The following ZNF185 variants were observed in gnomAD, a reference collection of about 807,000 sequenced individuals.
The protein encoded by ZNF185 is zinc finger protein 185.
A neutral mutation model predicts 58.6 loss-of-function variants in ZNF185; 56 were observed. The observed-to-expected ratio is 0.95, with a 90% CI of 0.77 to 1.19. ZNF185 has a LOEUF of 1.19. Among genes scored for constraint, ZNF185 ranks in the 50% most tolerant of loss-of-function variants. The probability of loss-of-function intolerance (pLI) is 0.00; values close to 1 mark genes in which losing one functional copy is unlikely to be tolerated. For synonymous variants in ZNF185, 230 were observed against 215.9 expected, an observed-to-expected ratio of 1.07 and a Z score of -0.57; for missense variants, 627 against 573.5, an observed-to-expected ratio of 1.09 and a Z score of -0.95.
At chrX:152,940,353 G>C (rs930558136) in intron 15 of ZNF185, among the ~76,000 whole-genome samples, 6 of 100,107 alleles carry the variant, frequency 6.0e-5, no homozygotes, top group Admixed American at 1.2e-4. Flanking sequence ...CATTAGTTAG[G>C]TCCAGAAAGG....
intron 17 of ZNF185, among the ~76,000 whole-genome samples, chrX:152,961,170 C>T (rs1485226935): frequency 8.9e-6 from 1 of 112,261 alleles, no homozygotes; most frequent in Admixed American, 9.4e-5. Context: ...CCAGTCTTTC[C>T]TCATCTTGTC....
At chrX:152,908,911 A>G in the ZNF185 span, among the ~76,000 whole-genome samples, 1 of 113,424 alleles carries the variant, frequency 8.8e-6, no homozygotes, top group Non-Finnish European at 1.9e-5. Flanking sequence ...AGGAGTGTGC[A>G]TGCAGGGTGC....
chrX:152,918,774 T>C (rs1441179415), intron 6 of ZNF185, among the ~76,000 whole-genome samples: 4 of 111,248 alleles, frequency 3.6e-5, no homozygotes, highest in Non-Finnish European at 5.7e-5. Flanking sequence ...TCATCCAGGG[T>C]TGGGGAGCTG....
At chrX:152,929,638 C>T (rs1329593170) in intron 12 of ZNF185, among the ~76,000 whole-genome samples, 1 of 112,133 alleles carries the variant, frequency 8.9e-6, no homozygotes, top group Non-Finnish European at 1.9e-5. Flanking sequence ...GAGATGTTTC[C>T]ATCCCTATTG....
chrX:152,955,203 A>G (rs2048698733), intron 16 of ZNF185, among the ~76,000 whole-genome samples: 1 of 112,456 alleles, frequency 8.9e-6, no homozygotes, highest in Non-Finnish European at 1.9e-5. Flanking sequence ...AGACTCAAAT[A>G]TAGAACTATG....
rs1938810576 is a variant in ZNF185, at chrX:152,917,775, A to T, written c.342-290A>T. On this transcript the variant is annotated intron_variant, in intron 5 of 22. Transcript: ENST00000449285. ...TTGCATGCAATTCAAGCACCTTGGC[A>T]TCAGGCATTGCCTGGGACTCCGTCA... 3.9e-6 allele frequency: 4 copies of T among 1,017,311 alleles called. No individual in the cohort carries two copies. The East Asian group carries it at 1.4e-4, about 37-fold the overall frequency. 83.8% of individuals were successfully genotyped at this position (1,017,311 alleles called of 1,213,427 possible). A position where few individuals can be genotyped will look rare whatever the true frequency, so the allele number is the denominator to read the frequency against.
intron 16 of ZNF185, 107 bp downstream of exon 18, chrX:152,945,571 C>T (rs1682828590): frequency 3.5e-6 from 3 of 869,258 alleles, no homozygotes; most frequent in Non-Finnish European, 4.7e-6. Flanking sequence ...ATACCCGACA[C>T]ATTGCACACC....
At chrX:152,965,139 G>C (rs1162502048) in intron 18 of ZNF185, among the ~76,000 whole-genome samples, 4 of 112,208 alleles carry the variant, frequency 3.6e-5, no homozygotes, top group Admixed American at 9.4e-5. Context: ...AAGTGTAGAA[G>C]TATAGAAGCC....
rs1181241122 is a variant in ZNF185 at position 152,941,656 on chromosome X, C to T, written c.1211+3493C>T. 6.0e-6 allele frequency: 7 copies of T among 1,157,921 alleles called. No homozygotes were observed. In the Admixed American group the frequency reaches 1.1e-4, roughly 17 times the overall value. Reference sequence around the variant, plus strand: ...TGCGTAGGCCGCCATTTCTTGAAGCCCCGAACTCGGTCGCAGTGCCCGCCG... The same window carrying T: ...TGCGTAGGCCGCCATTTCTTGAAGCTCCGAACTCGGTCGCAGTGCCCGCCG... On this transcript the variant is annotated intron_variant, in intron 15 of 22. Coordinates refer to ENST00000449285, the Ensembl canonical transcript of ZNF185.
Position 152,963,959 on chromosome X carries a change from G to T in ZNF185, c.1718+10G>T. Reference sequence around the variant, plus strand: ...ACTCCAGCTCTACCACGTAAGAAGGGCTATCTAGCAACCTGGGAGATGTTC... The same window carrying T: ...ACTCCAGCTCTACCACGTAAGAAGGTCTATCTAGCAACCTGGGAGATGTTC... On this transcript the variant is annotated intron_variant, in intron 18 of 22. Coordinates refer to ENST00000449285, the Ensembl canonical transcript of ZNF185. 1 of 1,197,886 alleles carries T rather than the reference G, an allele frequency of 8.3e-7. No individual in the cohort carries two copies.
At chrX:152,965,562 T>G (rs781985771) in intron 19 of ZNF185, 35 bp downstream of exon 21, 9 of 1,097,557 alleles carry the variant, frequency 8.2e-6, no homozygotes, top group Middle Eastern at 2.5e-4. Context: ...CATGTCGGCC[T>G]TCTCCTGCCG....
chrX:152,965,416 A>G, intron 18 of ZNF185, 31 bp from the exon 21 acceptor site: 1 of 1,146,684 alleles, frequency 8.7e-7, no homozygotes, highest in African/African-American at 1.8e-5. Flanking sequence ...CTTCTGGTGT[A>G]CCTCTGATTT....
chrX:152,905,137 C>T, the ZNF185 span, among the ~76,000 whole-genome samples: 1 of 112,958 alleles, frequency 8.9e-6, no homozygotes, highest in African/African-American at 3.2e-5. Flanking sequence ...CTGACGGCAC[C>T]GCTGTGCCCG....
intron 19 of ZNF185, among the ~76,000 whole-genome samples, 170 bp from the exon 22 acceptor site, chrX:152,966,997 A>G (rs1788856452): frequency 9.0e-6 from 1 of 111,287 alleles, no homozygotes; most frequent in Admixed American, 9.5e-5. Context: ...CCTCATTGTG[A>G]AAGGTCTCCT....
intron 14 of ZNF185, among the ~76,000 whole-genome samples, chrX:152,933,333 G>A (rs1235850794): frequency 8.9e-6 from 1 of 112,281 alleles, no homozygotes; most frequent in Non-Finnish European, 1.9e-5. Flanking sequence ...TGATGGAAGA[G>A]TCGGCACCTT....
intron 15 of ZNF185, among the ~76,000 whole-genome samples, chrX:152,939,522 G>C (rs1427152631): frequency 1.8e-5 from 2 of 112,070 alleles, no homozygotes; most frequent in Non-Finnish European, 3.8e-5. Context: ...CTTGTCTTTG[G>C]AGCCTAGTCT....
At chrX:152,916,846 G>A (rs1556866029) in intron 3 of ZNF185, among the ~76,000 whole-genome samples, 1 of 112,783 alleles carries the variant, frequency 8.9e-6, no homozygotes, top group Admixed American at 9.3e-5. Flanking sequence ...GGCTGGCCAA[G>A]GAGAAGCTGG....
intron 11 of ZNF185, among the ~76,000 whole-genome samples, chrX:152,927,487 G>T (rs1170411403): frequency 1.8e-5 from 2 of 111,206 alleles, no homozygotes; most frequent in Non-Finnish European, 3.8e-5. Flanking sequence ...CCCCTGAGTG[G>T]CCTCTTTAAA....
At chrX:152,959,007 T>C (rs182333101) in intron 16 of ZNF185, among the ~76,000 whole-genome samples, 55 of 112,216 alleles carry the variant, frequency 4.9e-4, no homozygotes, top group Admixed American at 1.8e-3. Context: ...AGAAAATGGT[T>C]GTTTTGGGCG....
Sources: gnomAD v4.1 joint callset for allele counts (sites outside exome capture counted in the v4.1 genomes callset) on GRCh38, gnomAD v4.1.1 for gene constraint, MANE v1.5 for transcripts, NCBI Gene and HGNC (gene_info 2026-07-23, HGNC 2026-07-21) for gene names.